Variants in NKAIN2 observed in about 807,000 individuals in gnomAD.
The protein encoded by NKAIN2 is sodium/potassium-transporting ATPase subunit beta-1-interacting protein 2.
NKAIN2 carries 14 observed loss-of-function variants against 32.6 expected under a neutral mutation model. The observed-to-expected ratio is 0.43, with a 90% CI of 0.28 to 0.67. The LOEUF is 0.67. Among genes scored for constraint, NKAIN2 ranks in the 30% least tolerant of loss-of-function variants. The pLI, the probability that NKAIN2 is intolerant of heterozygous loss-of-function variation, is 0.17. For missense variants in NKAIN2, 198 were observed against 258.3 expected, an observed-to-expected ratio of 0.77 and a Z score of 1.60; for synonymous variants, 80 against 87.2, an observed-to-expected ratio of 0.92 and a Z score of 0.46.
intron 3 of NKAIN2, among the ~76,000 whole-genome samples, chr6:124,468,806 T>C (rs1035341884): frequency 1.3e-5 from 2 of 152,172 alleles, no homozygotes; most frequent in Non-Finnish European, 2.9e-5. Flanking sequence ...AGTTGTGTTG[T>C]AGAAAACAAA....
intron 1 of NKAIN2, among the ~76,000 whole-genome samples, chr6:124,162,446 A>G (rs184590232): frequency 1.3e-5 from 2 of 152,262 alleles, no homozygotes; most frequent in Admixed American, 1.3e-4. Flanking sequence ...TACTGATTAG[A>G]AAAATTGGCA....
At chr6:124,026,562 G>A (rs1176384566) in intron 1 of NKAIN2, among the ~76,000 whole-genome samples, 1 of 152,028 alleles carries the variant, frequency 6.6e-6, no homozygotes, top group Admixed American at 6.6e-5. Context: ...GACAAATCTG[G>A]GATATCCATG....
At chr6:124,184,069 A>C (rs1789587217) in intron 1 of NKAIN2, among the ~76,000 whole-genome samples, 1 of 152,134 alleles carries the variant, frequency 6.6e-6, no homozygotes, top group South Asian at 2.1e-4. Context: ...GAATGATGAA[A>C]AGTCATTGTC....
intron 5 of NKAIN2, among the ~76,000 whole-genome samples, chr6:124,808,744 T>A (rs955351831): frequency 2.0e-4 from 30 of 152,180 alleles, no homozygotes; most frequent in African/African-American, 7.0e-4. Flanking sequence ...CCATTGTCTC[T>A]GCCCAAACTC....
intron 4 of NKAIN2, among the ~76,000 whole-genome samples, chr6:124,712,820 G>T (rs935670328): frequency 5.9e-5 from 9 of 151,928 alleles, no homozygotes; most frequent in African/African-American, 1.7e-4. Flanking sequence ...GGCCATCTTG[G>T]CTCCTCCCCC....
chr6:124,139,042 A>G (rs1032497502), intron 1 of NKAIN2, among the ~76,000 whole-genome samples: 4 of 150,202 alleles, frequency 2.7e-5, no homozygotes, highest in Non-Finnish European at 5.9e-5. Flanking sequence ...TCATGTAGCC[A>G]AAACTACCTG....
intron 1 of NKAIN2, among the ~76,000 whole-genome samples, chr6:124,121,027 C>A (rs1377384158): frequency 6.6e-6 from 1 of 152,088 alleles, no homozygotes; most frequent in Non-Finnish European, 1.5e-5. Context: ...TATTTAAGGA[C>A]AGTGAAGGCT....
chr6:124,495,492 T>G lies in NKAIN2; in HGVS notation c.273+140145T>G, dbSNP rs183301051. On this transcript the variant is annotated intron_variant, in intron 3 of 6. Transcript: ENST00000368417. ...TGAATCACCTAGGATCTTGTTAAAA[T>G]GCAAACTCTCACTGAGCAAATAGGG... Among the ~76,000 whole-genome samples, 19 of 152,146 alleles carry G rather than the reference T, an allele frequency of 1.2e-4. No individual in the cohort carries two copies. In the East Asian group the frequency reaches 3.3e-3, roughly 26 times the overall value.
chr6:124,223,717 A>T (rs1418825002), intron 1 of NKAIN2, among the ~76,000 whole-genome samples: 1 of 152,054 alleles, frequency 6.6e-6, no homozygotes, highest in Non-Finnish European at 1.5e-5. Context: ...GAATAATTGA[A>T]CTCAATCCTA....
chr6:124,717,185 G>T (rs1562342366), intron 4 of NKAIN2, among the ~76,000 whole-genome samples: 1 of 152,042 alleles, frequency 6.6e-6, no homozygotes, highest in East Asian at 1.9e-4. Flanking sequence ...TTAAAAAATT[G>T]GAGTTCTTAT....
At chr6:124,513,164 A>C (rs1322196363) in intron 3 of NKAIN2, among the ~76,000 whole-genome samples, 2 of 152,192 alleles carry the variant, frequency 1.3e-5, no homozygotes, top group Non-Finnish European at 2.9e-5. Flanking sequence ...GAAAAACATT[A>C]AACTAAAATA....
intron 3 of NKAIN2, among the ~76,000 whole-genome samples, chr6:124,376,877 G>T (rs1348848128): frequency 6.6e-6 from 1 of 151,972 alleles, no homozygotes; most frequent in Non-Finnish European, 1.5e-5. Flanking sequence ...AAAAAAAGAC[G>T]TTTCCTTTAA....
At chr6:124,076,288 C>T (rs1315791174) in intron 1 of NKAIN2, among the ~76,000 whole-genome samples, 1 of 152,088 alleles carries the variant, frequency 6.6e-6, no homozygotes, top group Non-Finnish European at 1.5e-5. Flanking sequence ...GGCAGGATGT[C>T]CACTGTCTGA....
At chr6:123,847,602 A>T (rs1775145344) in intron 1 of NKAIN2, among the ~76,000 whole-genome samples, 1 of 152,174 alleles carries the variant, frequency 6.6e-6, no homozygotes, top group Admixed American at 6.5e-5. Context: ...CTTTAAGACG[A>T]TTAAAATAAA....
At chr6:124,415,094 G>C (rs1055448623) in intron 3 of NKAIN2, among the ~76,000 whole-genome samples, 1 of 152,182 alleles carries the variant, frequency 6.6e-6, no homozygotes, top group African/African-American at 2.4e-5. Flanking sequence ...GCATTCTGCA[G>C]CAGACAACAG....
At chr6:123,954,620 C>G (rs987676955) in intron 1 of NKAIN2, among the ~76,000 whole-genome samples, 2 of 152,218 alleles carry the variant, frequency 1.3e-5, no homozygotes, top group Non-Finnish European at 2.9e-5. Flanking sequence ...TGAATACCAG[C>G]TGCTGCTAGC....
At chr6:124,669,743 G>T (rs1289897372) in intron 4 of NKAIN2, among the ~76,000 whole-genome samples, 2 of 152,012 alleles carry the variant, frequency 1.3e-5, no homozygotes, top group Non-Finnish European at 1.5e-5. Flanking sequence ...TTCATTAAAA[G>T]ATTCCCCACA....
intron 5 of NKAIN2, among the ~76,000 whole-genome samples, chr6:124,809,122 G>C (rs1458240675): frequency 6.6e-6 from 1 of 152,044 alleles, no homozygotes; most frequent in Non-Finnish European, 1.5e-5. Flanking sequence ...CACAGAATTG[G>C]AAAAAAATAC....
At chr6:124,375,650 G>C (rs78090700) in intron 3 of NKAIN2, among the ~76,000 whole-genome samples, 1,851 of 151,900 alleles carry the variant, frequency 0.012, 34 homozygotes, top group African/African-American at 0.042. Context: ...AACTGAGGTA[G>C]AGCAGATAAA....
Sources: allele counts gnomAD v4.1 joint callset (sites outside exome capture counted in the v4.1 genomes callset), GRCh38; gene constraint gnomAD v4.1.1; transcripts MANE v1.5; gene names NCBI Gene and HGNC (gene_info 2026-07-23, HGNC 2026-07-21).